Variants in NDFIP2 observed in about 807,000 individuals in gnomAD.
NDFIP2 encodes the protein NEDD4 family-interacting protein 2.
NDFIP2 carries 19 observed loss-of-function variants against 36.0 expected under a neutral mutation model. That is an observed-to-expected ratio of 0.53 (90% CI 0.37 to 0.77). The LOEUF (loss-of-function observed/expected upper bound fraction) is 0.77. NDFIP2 is among the 30% of genes least tolerant of loss of function. The pLI, the probability that NDFIP2 is intolerant of heterozygous loss-of-function variation, is 0.00. For synonymous variants in NDFIP2, 181 were observed against 167.7 expected, an observed-to-expected ratio of 1.08 and a Z score of -0.61; for missense variants, 446 against 435.8, an observed-to-expected ratio of 1.02 and a Z score of -0.21.
chr13:79,497,059 T>C (rs1873460953), intron 1 of NDFIP2, among the ~76,000 whole-genome samples: 1 of 152,030 alleles, frequency 6.6e-6, no homozygotes, highest in Admixed American at 6.6e-5. Flanking sequence ...ATGATTTATA[T>C]TTTGAGTATT....
In NDFIP2 at chr13:79,481,244, C is replaced by A; in HGVS notation, c.41C>A (p.Pro14Gln). 1.3e-6 allele frequency: 2 copies of A among 1,534,080 alleles called. No homozygotes were observed. The highest frequency in any genetic ancestry group is 1.2e-5 in the South Asian group (1 of 83,824). The part of the protein sequence containing the change: ...RRSQRVCASG[P>Q]SMLNSARGAP... ...AGCCAGCGAGTCTGCGCGAGCGGTC[C>A]GAGCATGCTCAATAGCGCGCGCGGC... The change falls in exon 1 of 8, where the codon CCG (proline) becomes CAG (glutamine). Residue 14 changes from proline to glutamine, a missense_variant. Coordinates refer to ENST00000218652, the MANE Select transcript of NDFIP2 (RefSeq NM_019080.3).
chr13:79,488,787 GC>G (rs1175046531), intron 1 of NDFIP2, among the ~76,000 whole-genome samples: 1 of 152,086 alleles, frequency 6.6e-6, no homozygotes, highest in African/African-American at 2.4e-5. Context: ...AGATAAGTAA[GC>G]CTAATGTCAG....
chr13:79,543,540 G>T lies in NDFIP2; in HGVS notation c.716-18G>T, dbSNP rs764603904. The T allele has an allele frequency of 2.3e-5, 37 of 1,612,312 alleles. No homozygotes were observed. The Middle Eastern group carries it at 6.6e-4, about 29-fold the overall frequency. ...TCCAAATTGTGGTTTATAAAAGAACGGTTTCTGTTGCTTTTAGTGGCATTT... is the reference window on the plus strand; with the variant it reads ...TCCAAATTGTGGTTTATAAAAGAACTGTTTCTGTTGCTTTTAGTGGCATTT... On this transcript the variant is annotated intron_variant, in intron 4 of 7. Coordinates refer to ENST00000218652, the MANE Select transcript of NDFIP2 (RefSeq NM_019080.3).
At chr13:79,486,794 G>A (rs1055679957) in intron 1 of NDFIP2, among the ~76,000 whole-genome samples, 1 of 152,190 alleles carries the variant, frequency 6.6e-6, no homozygotes, top group African/African-American at 2.4e-5. Flanking sequence ...CTGGGGTCCT[G>A]TAAGATGTGT....
intron 1 of NDFIP2, among the ~76,000 whole-genome samples, chr13:79,517,572 A>G (rs1365385413): frequency 6.6e-6 from 1 of 152,222 alleles, no homozygotes; most frequent in Non-Finnish European, 1.5e-5. Context: ...ATTGAAAGTT[A>G]TATATGCTAC....
Position 79,481,319 on chromosome 13 carries a change from C to T in NDFIP2, c.116C>T (p.Ala39Val), listed in dbSNP as rs113662422. Residue 39 changes from alanine (A) to valine (V), a missense_variant, in exon 1 of 8, where the codon GCC (alanine) becomes GTC (valine). This residue lies in a region of NDFIP2 where 369 missense variants were observed against 304.8 expected (regional missense o/e 1.21). Coordinates refer to ENST00000218652, the MANE Select transcript of NDFIP2 (RefSeq NM_019080.3). ...GCGACCAACGCGGAGGTCTCGGCGG[C>T]CGCTGCGGGAGCCACAGGAAGTGAA... ...GTATNAEVSA[A>V]AAGATGSEEL... 23 of 1,543,290 alleles carry T rather than the reference C, an allele frequency of 1.5e-5. No individual in the cohort carries two copies. In the African/African-American group the frequency reaches 2.2e-4, roughly 15 times the overall value.
At chr13:79,517,367 G>A (rs1874391330) in intron 1 of NDFIP2, among the ~76,000 whole-genome samples, 1 of 152,116 alleles carries the variant, frequency 6.6e-6, no homozygotes, top group Admixed American at 6.6e-5. Context: ...GATTGTTAAT[G>A]AATGTCAAAT....
intron 1 of NDFIP2, among the ~76,000 whole-genome samples, chr13:79,489,533 T>C (rs1471185392): frequency 1.3e-5 from 2 of 152,206 alleles, no homozygotes; most frequent in East Asian, 1.9e-4. Flanking sequence ...GAGAATGTGA[T>C]AGTGGCCATC....
At chr13:79,520,435 T>C (rs570982607) in intron 1 of NDFIP2, among the ~76,000 whole-genome samples, 70 of 152,326 alleles carry the variant, frequency 4.6e-4, no homozygotes, top group Non-Finnish European at 8.2e-4. Context: ...CCTTGGAGTC[T>C]TCTTTTGGTA....
At chr13:79,497,660 G>GTTTTTTTTTTTTTTTTTTTTTTTCTTTT (rs1282594237) in intron 1 of NDFIP2, among the ~76,000 whole-genome samples, 1 of 126,734 alleles carries the variant, frequency 7.9e-6, no homozygotes, top group Admixed American at 7.8e-5. Flanking sequence ...AGATTTCTGA[G>GTTTTTTTTTTTTTTTTTTTTTTTCTTTT]TTTTTTTTTT....
In NDFIP2 at chr13:79,533,339, T is replaced by A. The variant is rs1875091944; in HGVS notation, c.504T>A (p.Gly168=). ...VPTTSDTEVY[G]EFYPVPPPYS... ...TTTCTTCAGATACAGAAGTTTACGG[T>A]GAGTTTTATCCCGTGCCACCTCCCT... Residue 168 remains glycine (G), a synonymous_variant, in exon 3 of 8, where the codon GGT becomes GGA. Coordinates refer to ENST00000218652, the MANE Select transcript of NDFIP2 (RefSeq NM_019080.3). 1 of 1,599,110 alleles carries A rather than the reference T, an allele frequency of 6.3e-7. No individual in the cohort carries two copies.
chr13:79,515,868 T>TC (rs71110003), intron 1 of NDFIP2, among the ~76,000 whole-genome samples: 2,987 of 145,730 alleles, frequency 0.02, 109 homozygotes, highest in African/African-American at 0.071. Context: ...GTTTTTTTTT[T>TC]CCCCTAAATC....
At chr13:79,542,286 T>C (rs2137111832) in intron 4 of NDFIP2, among the ~76,000 whole-genome samples, 1 of 152,332 alleles carries the variant, frequency 6.6e-6, no homozygotes. Context: ...CCTGCATTAT[T>C]ATCATTTTAG....
chr13:79,550,659 T>C (rs1204041390), intron 6 of NDFIP2, among the ~76,000 whole-genome samples: 1 of 151,538 alleles, frequency 6.6e-6, no homozygotes, highest in Non-Finnish European at 1.5e-5. Flanking sequence ...GTTATATTAA[T>C]TGAAAAGATT....
At chr13:79,489,642 G>A (rs143051859) in intron 1 of NDFIP2, among the ~76,000 whole-genome samples, 28 of 152,264 alleles carry the variant, frequency 1.8e-4, no homozygotes, top group East Asian at 1.5e-3. Flanking sequence ...TGACAGTCAC[G>A]CAGACTTGAT....
At chr13:79,518,007 A>G (rs763399543) in intron 1 of NDFIP2, among the ~76,000 whole-genome samples, 1 of 142,908 alleles carries the variant, frequency 7.0e-6, no homozygotes, top group Non-Finnish European at 1.5e-5. Flanking sequence ...TGTTTAGGTG[A>G]TATTAACAAG....
At chr13:79,525,454 C>A (rs982271254) in intron 2 of NDFIP2, among the ~76,000 whole-genome samples, 6 of 152,134 alleles carry the variant, frequency 3.9e-5, no homozygotes, top group African/African-American at 1.4e-4. Flanking sequence ...AGAACTTTCA[C>A]TTTTTCACTT....
chr13:79,552,314 T>G (rs963803716), intron 7 of NDFIP2, among the ~76,000 whole-genome samples: 1 of 151,340 alleles, frequency 6.6e-6, no homozygotes, highest in African/African-American at 2.4e-5. Context: ...TTTTGAAGAG[T>G]CTAAAATACA....
rs545979407 is a variant in NDFIP2 at position 79,555,905 on chromosome 13, C to T, written c.*3392C>T. On this transcript the variant is annotated 3_prime_UTR_variant, in exon 8 of 8. Transcript: ENST00000218652. ...GTTTAAGATTCGCATATTATCATGACTGTGACCTCACTAAACTGTTTATGT... is the reference window on the plus strand; with the variant it reads ...GTTTAAGATTCGCATATTATCATGATTGTGACCTCACTAAACTGTTTATGT... 1 of 152,282 alleles carries T rather than the reference C, an allele frequency of 6.6e-6. No individual in the cohort carries two copies. Among genetic ancestry groups the T allele is most frequent in the African/African-American group, 2.4e-5 (1 of 41,568 alleles). 9.4% of individuals were successfully genotyped at this position (152,282 alleles called of 1,614,324 possible).
Sources: allele counts gnomAD v4.1 joint callset (sites outside exome capture counted in the v4.1 genomes callset), GRCh38; gene constraint gnomAD v4.1.1; regional missense constraint gnomAD v4.1.1; transcripts MANE v1.5; gene names NCBI Gene and HGNC (gene_info 2026-07-23, HGNC 2026-07-21).